The following LRIG1 variants were observed in gnomAD, a reference collection of about 807,000 sequenced individuals.
The protein encoded by LRIG1 is leucine rich repeats and immunoglobulin like domains 1.
LRIG1 carries 48 observed loss-of-function variants against 99.2 expected under a neutral mutation model. That is an observed-to-expected ratio of 0.48 (90% CI 0.38 to 0.62). The LOEUF is 0.62. LRIG1 is among the 20% of genes least tolerant of loss of function. The pLI, the probability that LRIG1 is intolerant of heterozygous loss-of-function variation, is 0.00. For synonymous variants in LRIG1, 772 were observed against 596.1 expected, an observed-to-expected ratio of 1.29 and a Z score of -4.30; for missense variants, 1,646 against 1,434.4, an observed-to-expected ratio of 1.15 and a Z score of -2.38.
chr3:66,460,994 T>C (rs1445923239), intron 2 of LRIG1, among the ~76,000 whole-genome samples: 1 of 152,242 alleles, frequency 6.6e-6, no homozygotes, highest in Non-Finnish European at 1.5e-5. Context: ...TCTTTAGATA[T>C]GTCATCAATA....
intron 6 of LRIG1, among the ~76,000 whole-genome samples, chr3:66,410,721 G>C (rs935261631): frequency 6.6e-6 from 1 of 152,210 alleles, no homozygotes; most frequent in Non-Finnish European, 1.5e-5. Flanking sequence ...GGGCACAGGA[G>C]TTCCAGGCAA....
At chr3:66,395,340 G>A (rs1701803853) in intron 11 of LRIG1, among the ~76,000 whole-genome samples, 1 of 152,128 alleles carries the variant, frequency 6.6e-6, no homozygotes, top group African/African-American at 2.4e-5. Context: ...AAATGGACTG[G>A]CCTTCCATTT....
intron 10 of LRIG1, among the ~76,000 whole-genome samples, chr3:66,398,716 A>AG: frequency 6.6e-6 from 1 of 152,224 alleles, no homozygotes; most frequent in East Asian, 1.9e-4. Context: ...GCGCAGCAGG[A>AG]GGGGGGAGGG....
intron 3 of LRIG1, among the ~76,000 whole-genome samples, chr3:66,424,063 A>G (rs13073932): frequency 0.18 from 27,851 of 152,120 alleles, 2,650 homozygotes; most frequent in Admixed American, 0.26. Context: ...GGGCTGACTC[A>G]GAGCTCTCAC....
At chr3:66,440,764 A>C (rs1435707363) in intron 3 of LRIG1, among the ~76,000 whole-genome samples, 3 of 152,230 alleles carry the variant, frequency 2.0e-5, no homozygotes, top group Admixed American at 6.5e-5. Context: ...CTGAGGACAC[A>C]TACTGTTTAG....
At chr3:66,484,778 A>G (rs750871175) in intron 1 of LRIG1, among the ~76,000 whole-genome samples, 2 of 152,336 alleles carry the variant, frequency 1.3e-5, no homozygotes, top group East Asian at 3.9e-4. Flanking sequence ...GGTTGCAAAC[A>G]GATGTGAGTA....
At position 66,414,917 on chromosome 3, in the gene LRIG1, C is replaced by G; in HGVS notation, c.647+3G>C. The G allele has an allele frequency of 6.3e-7, 1 of 1,592,266 alleles. No individual in the cohort carries two copies. Among genetic ancestry groups the G allele is most frequent in the Non-Finnish European group, 8.5e-7 (1 of 1,171,602 alleles). Reference sequence around the variant, plus strand: ...TAATTAAAGTGTAGGTTTCTGTACTCACAGTTGTGTCAGCCTGGGTAGCTT... The same window carrying G: ...TAATTAAAGTGTAGGTTTCTGTACTGACAGTTGTGTCAGCCTGGGTAGCTT... On this transcript the variant is annotated splice_donor_region_variant and intron_variant, in intron 5 of 18. Transcript: ENST00000273261.
At chr3:66,456,961 T>C (rs769558741) in intron 2 of LRIG1, among the ~76,000 whole-genome samples, 10 of 152,180 alleles carry the variant, frequency 6.6e-5, no homozygotes, top group Admixed American at 2.0e-4. Context: ...TGGGCTTTCC[T>C]CAGGGCTGTG....
At chr3:66,463,669 A>C (rs1209940829) in intron 1 of LRIG1, among the ~76,000 whole-genome samples, 2 of 152,236 alleles carry the variant, frequency 1.3e-5, no homozygotes, top group Non-Finnish European at 2.9e-5. Context: ...CAAAGAGGTT[A>C]ACATTTTTCA....
intron 1 of LRIG1, among the ~76,000 whole-genome samples, chr3:66,465,054 C>G (rs932685921): frequency 6.6e-6 from 1 of 152,132 alleles, no homozygotes; most frequent in East Asian, 1.9e-4. Flanking sequence ...AGCCACCTAT[C>G]AACATTCAAG....
chr3:66,407,729 G>C (rs1280920682), intron 7 of LRIG1, among the ~76,000 whole-genome samples: 1 of 152,224 alleles, frequency 6.6e-6, no homozygotes, highest in Non-Finnish European at 1.5e-5. Flanking sequence ...TGGGTGCATA[G>C]GTCACAGGGG....
Position 66,380,818 on chromosome 3 carries a change from C to T in LRIG1, c.2814G>A (p.Val938=). The change falls in exon 18 of 19, where the codon GTG becomes GTA. Residue 938 remains valine (V), a synonymous_variant. Coordinates refer to ENST00000273261, the MANE Select transcript of LRIG1 (RefSeq NM_015541.3). ...AGGCTTGTCCCCTGGAGTAACAGTC[C>T]ACTTCGGTGTTGCAGTCACTGCATA... is the stretch of plus-strand genomic sequence containing the variant. ...RVVCSDCNTE[V]DCYSRGQAFH... is the part of the protein sequence containing the mutation. The T allele has an allele frequency of 6.2e-7, 1 of 1,614,206 alleles. No individual in the cohort carries two copies. Among genetic ancestry groups the T allele is most frequent in the Non-Finnish European group, 8.5e-7 (1 of 1,180,050 alleles).
At chr3:66,484,333 A>C (rs1250467730) in intron 1 of LRIG1, among the ~76,000 whole-genome samples, 1 of 152,204 alleles carries the variant, frequency 6.6e-6, no homozygotes, top group Non-Finnish European at 1.5e-5. Context: ...AGATTCTGGG[A>C]ATACAATGGT....
In LRIG1 at chr3:66,500,520, G is replaced by A. The variant is rs1429777444; in HGVS notation, c.-113C>T. 2 of 503,904 alleles carry A rather than the reference G, an allele frequency of 4.0e-6. No homozygotes were observed. The highest frequency in any genetic ancestry group is 6.8e-5 in the South Asian group (1 of 14,720). The allele number at this position is 503,904 out of a possible 1,614,324, so 31.2% of individuals were successfully genotyped here. On this transcript the variant is annotated 5_prime_UTR_variant, in exon 1 of 19. Coordinates refer to ENST00000273261, the MANE Select transcript of LRIG1 (RefSeq NM_015541.3). ...GCTCGGCTCTAGACTCCGCACCGGGGCATGGCCCCCGCCCCAAGTTCTCTC... is the reference window on the plus strand; with the variant it reads ...GCTCGGCTCTAGACTCCGCACCGGGACATGGCCCCCGCCCCAAGTTCTCTC...
At chr3:66,441,890 TGTGCTTTAG>T (rs1703553852) in intron 3 of LRIG1, among the ~76,000 whole-genome samples, 1 of 152,234 alleles carries the variant, frequency 6.6e-6, no homozygotes, top group African/African-American at 2.4e-5. Flanking sequence ...TTGCCGTCTC[TGTGCTTTAG>T]GTGCCTCATC....
chr3:66,492,339 G>C (rs147040738), intron 1 of LRIG1, among the ~76,000 whole-genome samples: 1 of 152,178 alleles, frequency 6.6e-6, no homozygotes, highest in African/African-American at 2.4e-5. Context: ...TTATAAATTG[G>C]TGGAAGGAGC....
intron 1 of LRIG1, among the ~76,000 whole-genome samples, chr3:66,483,901 G>A (rs1700908392): frequency 6.6e-6 from 1 of 152,244 alleles, no homozygotes; most frequent in South Asian, 2.1e-4. Context: ...AGGCGCCCGA[G>A]GACCTCATGT....
At chr3:66,456,851 C>T (rs1326230974) in intron 2 of LRIG1, among the ~76,000 whole-genome samples, 1 of 152,186 alleles carries the variant, frequency 6.6e-6, no homozygotes, top group African/African-American at 2.4e-5. Context: ...GGCGGCAGTA[C>T]TGTGATCTGA....
At position 66,500,631 on chromosome 3, in the gene LRIG1, T is replaced by A; in HGVS notation, c.-224A>T. On this transcript the variant is annotated 5_prime_UTR_variant, in exon 1 of 19. It removes an upstream start codon present in the reference 5' UTR. Coordinates refer to ENST00000273261, the MANE Select transcript of LRIG1 (RefSeq NM_015541.3). ...GCGGGGGCCGCAAACCCCGCGCCCA[T>A]CCGGGCCGGCCGGCCCGCCCGCGCT... 1 of 303,670 alleles carries A rather than the reference T, an allele frequency of 3.3e-6. No individual in the cohort carries two copies. The highest frequency in any genetic ancestry group is 6.0e-6 in the Non-Finnish European group (1 of 167,376). The allele number at this position is 303,670 out of a possible 1,614,324, so 18.8% of individuals were successfully genotyped here.
Sources: gnomAD v4.1 joint callset for allele counts (sites outside exome capture counted in the v4.1 genomes callset) on GRCh38, gnomAD v4.1.1 for gene constraint, MANE v1.5 for transcripts, NCBI Gene and HGNC (gene_info 2026-07-23, HGNC 2026-07-21) for gene names.